The following ZEB2 variants were observed in gnomAD, a reference collection of about 807,000 sequenced individuals.
ZEB2 encodes zinc finger E-box-binding homeobox 2.
A neutral mutation model predicts 99.9 loss-of-function variants in ZEB2; 6 were observed. The ratio of observed to expected loss-of-function variants is 0.06; its 90% confidence interval spans 0.03 to 0.12. The LOEUF (loss-of-function observed/expected upper bound fraction) is 0.12. Ranked by LOEUF, ZEB2 falls within the 10% of genes least tolerant of loss-of-function variation. The pLI, the probability that ZEB2 is intolerant of heterozygous loss-of-function variation, is 1.00. For synonymous variants in ZEB2, 517 were observed against 542.5 expected (o/e 0.95, Z 0.65); for missense variants, 969 against 1,502.8 (o/e 0.64, Z 5.87).
At chr2:144,483,137 C>CACACAA (rs916810586) in intron 2 of ZEB2, among the ~76,000 whole-genome samples, 3 of 144,266 alleles carry the variant, frequency 2.1e-5, no homozygotes, top group Admixed American at 7.3e-5. Context: ...CACACACACA[C>CACACAA]ACACACACAC....
intron 4 of ZEB2, among the ~76,000 whole-genome samples, chr2:144,414,246 T>C (rs1340176472): frequency 1.3e-5 from 2 of 152,200 alleles, no homozygotes; most frequent in African/African-American, 2.4e-5. Context: ...CATCCTAGCT[T>C]GTACTCTGCT....
chr2:144,405,319 A>T (rs1207893414), intron 4 of ZEB2: 1 of 354,332 alleles, frequency 2.8e-6, no homozygotes. Flanking sequence ...GTTTTTCATA[A>T]ATTTTTTTTA....
chr2:144,401,457 A>G (rs1703309640), intron 6 of ZEB2, 150 bp from the exon 7 acceptor site: 2 of 742,922 alleles, frequency 2.7e-6, no homozygotes, highest in African/African-American at 1.8e-5. Context: ...GAGTTGCAAT[A>G]AAAGTGATAA....
At chr2:144,427,464 G>C (rs1031135721) in intron 3 of ZEB2, 4 of 152,206 alleles carry the variant, frequency 2.6e-5, no homozygotes, top group African/African-American at 9.7e-5. Context: ...AGGTATGACT[G>C]TAGACAGCCA....
intron 2 of ZEB2, among the ~76,000 whole-genome samples, chr2:144,441,687 T>C (rs1703920447): frequency 6.6e-6 from 1 of 152,198 alleles, no homozygotes. Flanking sequence ...ATTTTTTAAG[T>C]CCTTCCTAAG....
At chr2:144,463,699 G>A (rs1452781573) in intron 2 of ZEB2, 1 of 152,004 alleles carries the variant, frequency 6.6e-6, no homozygotes, top group Non-Finnish European at 1.5e-5. Flanking sequence ...TGGGCATGGT[G>A]GTGCATGCCT....
At chr2:144,396,638 T>A (rs1703233750) in intron 8 of ZEB2, 46 bp from the exon 9 acceptor site, 1 of 1,594,536 alleles carries the variant, frequency 6.3e-7, no homozygotes, top group Non-Finnish European at 8.5e-7. Flanking sequence ...CTCTTTGTGC[T>A]CACACCAAAC....
At chr2:144,450,417 T>A (rs1704040303) in intron 2 of ZEB2, 1 of 152,238 alleles carries the variant, frequency 6.6e-6, no homozygotes, top group Admixed American at 6.5e-5. Context: ...TTTCTCTTTT[T>A]AAACTTACAT....
chr2:144,411,755 C>T (rs1243075395), intron 4 of ZEB2, among the ~76,000 whole-genome samples: 1 of 152,192 alleles, frequency 6.6e-6, no homozygotes, highest in Non-Finnish European at 1.5e-5. Context: ...TGTTCAGATG[C>T]CAATGAGAGT....
intron 2 of ZEB2, among the ~76,000 whole-genome samples, chr2:144,442,362 C>A (rs1240739717): frequency 2.0e-5 from 3 of 152,098 alleles, no homozygotes; most frequent in South Asian, 2.1e-4. Flanking sequence ...AGTTTCATAT[C>A]ATCAGAACTA....
chr2:144,456,532 A>G (rs1704123878), intron 2 of ZEB2, among the ~76,000 whole-genome samples: 1 of 152,090 alleles, frequency 6.6e-6, no homozygotes, highest in Non-Finnish European at 1.5e-5. Flanking sequence ...ATCATGGTTA[A>G]TACTGGTTCA....
In ZEB2 at chr2:144,513,624, G is replaced by T. The variant is rs534988279; in HGVS notation, c.73+3654C>A. Reference sequence around the variant, plus strand: ...TGCTGGAAGGTGGCGGGATGGGGAGGCAGACCCTCTTCCCGGGCTCCGTGG... The same window carrying T: ...TGCTGGAAGGTGGCGGGATGGGGAGTCAGACCCTCTTCCCGGGCTCCGTGG... On this transcript the variant is annotated intron_variant, in intron 2 of 9. Transcript: ENST00000627532. The T allele has an allele frequency of 5.3e-5, 81 of 1,532,560 alleles. 1 individual carries two copies. The East Asian group carries it at 1.9e-3, about 36-fold the overall frequency. 94.9% of individuals were successfully genotyped at this position (1,532,560 alleles called of 1,614,324 possible). A position where few individuals can be genotyped will look rare whatever the true frequency, so the allele number is the denominator to read the frequency against.
At chr2:144,432,865 G>A (rs898503654) in intron 2 of ZEB2, among the ~76,000 whole-genome samples, 9 of 152,074 alleles carry the variant, frequency 5.9e-5, no homozygotes, top group Non-Finnish European at 1.2e-4. Context: ...AATAACCAAC[G>A]TATACTGGTT....
In ZEB2 at chr2:144,511,872, C is replaced by T. The variant is rs757304700; in HGVS notation, c.73+5406G>A. 4 of 1,286,954 alleles carry T rather than the reference C, an allele frequency of 3.1e-6. No homozygotes were observed. In the South Asian group the frequency reaches 4.9e-5, roughly 16 times the overall value. 79.7% of individuals were successfully genotyped at this position (1,286,954 alleles called of 1,614,324 possible). On this transcript the variant is annotated intron_variant, in intron 2 of 9. Transcript: ENST00000627532. Reference sequence around the variant, plus strand: ...TCCCTCTGCTCTGAATTATTTTTTTCAACCTTCACATCTTGGCTAAAAAGC... The same window carrying T: ...TCCCTCTGCTCTGAATTATTTTTTTTAACCTTCACATCTTGGCTAAAAAGC...
intron 2 of ZEB2, chr2:144,463,973 G>C (rs377133492): frequency 3.9e-5 from 6 of 152,214 alleles, no homozygotes; most frequent in East Asian, 3.9e-4. Flanking sequence ...GGAAAGAGTG[G>C]ATACTGAGGC....
At chr2:144,466,074 G>C (rs1182562629) in intron 2 of ZEB2, among the ~76,000 whole-genome samples, 5 of 152,140 alleles carry the variant, frequency 3.3e-5, no homozygotes, top group Admixed American at 6.5e-5. Context: ...TCAAAACCCA[G>C]TTCTCTTTTC....
chr2:144,385,922 C>T lies in ZEB2; in HGVS notation c.*3529G>A, dbSNP rs1449411137. 1 of 152,066 alleles carries T rather than the reference C, an allele frequency of 6.6e-6. No individual in the cohort carries two copies. Among genetic ancestry groups the T allele is most frequent in the Admixed American group, 6.6e-5 (1 of 15,262 alleles). The allele number at this position is 152,066 out of a possible 1,614,324, so 9.4% of individuals were successfully genotyped here. ...CTTTCCCCTTTCCTCCAAGCCCTCC[C>T]ACTCCGCCCCCAGTCCAATTCATGC... On this transcript the variant is annotated 3_prime_UTR_variant, in exon 10 of 10. Coordinates refer to ENST00000627532, the MANE Select transcript of ZEB2 (RefSeq NM_014795.4).
At chr2:144,395,595 C>T (rs1703218538) in intron 9 of ZEB2, among the ~76,000 whole-genome samples, 1 of 152,078 alleles carries the variant, frequency 6.6e-6, no homozygotes, top group South Asian at 2.1e-4. Flanking sequence ...TGAGGTTCAG[C>T]TACCTTATTG....
intron 8 of ZEB2, 99 bp from the exon 9 acceptor site, chr2:144,396,691 G>T: frequency 7.6e-7 from 1 of 1,319,866 alleles, no homozygotes; most frequent in Non-Finnish European, 1.1e-6. Flanking sequence ...AAAATTGCTT[G>T]CTACTAATTG....
Sources: allele counts gnomAD v4.1 joint callset (sites outside exome capture counted in the v4.1 genomes callset), GRCh38; gene constraint gnomAD v4.1.1; transcripts MANE v1.5; gene names NCBI Gene and HGNC (gene_info 2026-07-23, HGNC 2026-07-21).